Variants in UNC79 observed in about 807,000 individuals in gnomAD.
The protein encoded by UNC79 is unc-79 subunit of NALCN channel complex.
Under a neutral mutation model 283.1 loss-of-function variants are expected in UNC79, and 37 were observed. The ratio of observed to expected loss-of-function variants is 0.13; its 90% CI spans 0.10 to 0.17. The LOEUF is 0.17. UNC79 is among the 10% of genes least tolerant of loss of function. UNC79 has a pLI of 1.00. For synonymous variants in UNC79, 1,107 were observed against 1,200.2 expected (o/e 0.92, Z 1.61); for missense variants, 2,272 against 3,211.1 (o/e 0.71, Z 7.07).
At chr14:93,459,674 C>CTTTTTTTTTCTTTT (rs773034428) in intron 1 of UNC79, among the ~76,000 whole-genome samples, 4 of 90,684 alleles carry the variant, frequency 4.4e-5, no homozygotes, top group Non-Finnish European at 6.4e-5. Flanking sequence ...GTTTATTCAA[C>CTTTTTTTTTCTTTT]TTTTTTTTTT....
chr14:93,478,698 A>G (rs932726049), intron 4 of UNC79, among the ~76,000 whole-genome samples: 6 of 152,240 alleles, frequency 3.9e-5, no homozygotes, highest in Admixed American at 2.0e-4. Context: ...CTGGTATGCA[A>G]TAAGTGTCAG....
At chr14:93,676,098 C>G (rs141137961) in intron 41 of UNC79, among the ~76,000 whole-genome samples, 7 of 152,164 alleles carry the variant, frequency 4.6e-5, no homozygotes, top group African/African-American at 1.7e-4. Flanking sequence ...GCTCTGTCAC[C>G]CAGGTTGGAA....
intron 1 of UNC79, among the ~76,000 whole-genome samples, chr14:93,415,986 A>G (rs886365891): frequency 6.6e-5 from 10 of 151,868 alleles, no homozygotes; most frequent in African/African-American, 2.4e-4. Context: ...TGGACTCATT[A>G]ATTTTTTGGA....
chr14:93,447,590 C>G (rs74923236), intron 1 of UNC79, among the ~76,000 whole-genome samples: 1 of 148,966 alleles, frequency 6.7e-6, no homozygotes, highest in Non-Finnish European at 1.5e-5. Flanking sequence ...TTTTTTTTTT[C>G]TGAGGACTCA....
At chr14:93,674,642 A>G (rs536249773) in intron 41 of UNC79, among the ~76,000 whole-genome samples, 1 of 152,362 alleles carries the variant, frequency 6.6e-6, no homozygotes, top group African/African-American at 2.4e-5. Context: ...AAATGATTGA[A>G]GGAATATGGG....
At chr14:93,572,666 A>AT (rs200073679) in intron 15 of UNC79, 27 bp from the exon 16 acceptor site, 17,704 of 1,613,324 alleles carry the variant, frequency 0.011, 128 homozygotes, top group South Asian at 0.015. Context: ...CCCATTGGTC[A>AT]TTTACTTTTG....
chr14:93,416,441 C>G lies in UNC79; in HGVS notation c.-350-51230C>G, dbSNP rs981739128. Among the ~76,000 whole-genome samples the G allele has an allele frequency of 1.8e-4, 27 of 151,876 alleles. No homozygotes were observed. The Middle Eastern group carries it at 0.01, about 57-fold the overall frequency. On this transcript the variant is annotated intron_variant, in intron 1 of 49. Transcript: ENST00000256339. ...TTGCTGAGGAGTGCTTTACTTCCAA[C>G]TATGTGGTCAATTTTGGAATAGGTG...
chr14:93,338,950 G>A (rs12431597), intron 1 of UNC79, among the ~76,000 whole-genome samples: 2,572 of 152,144 alleles, frequency 0.017, 82 homozygotes, highest in African/African-American at 0.06. Flanking sequence ...ATTTAATAGA[G>A]TTTACTTGGT....
intron 1 of UNC79, among the ~76,000 whole-genome samples, chr14:93,339,858 T>A (rs1052433294): frequency 6.6e-6 from 1 of 152,258 alleles, no homozygotes; most frequent in Non-Finnish European, 1.5e-5. Flanking sequence ...ACATTAAATA[T>A]GCTAGTATGT....
At chr14:93,662,800 G>T in intron 40 of UNC79, 86 bp downstream of exon 43, 1 of 983,852 alleles carries the variant, frequency 1.0e-6, no homozygotes, top group Non-Finnish European at 1.5e-6. Context: ...GTCCCTTTTA[G>T]CTCAGTTGCT....
chr14:93,439,526 G>A (rs1361313094), intron 1 of UNC79, among the ~76,000 whole-genome samples: 1 of 151,980 alleles, frequency 6.6e-6, no homozygotes, highest in Non-Finnish European at 1.5e-5. Flanking sequence ...ATATTAATAA[G>A]TTAGATTGTT....
rs1169245751 is a variant in UNC79, at chr14:93,698,498, T to G, written c.7548+4086T>G. On this transcript the variant is annotated intron_variant, in intron 47 of 48. Transcript: ENST00000555664. ...TAGGTTTTTTTTTTTTTTTTTTTTT[T>G]TTTTTGAGATCAGGTCTTGCTCTGT... Among the ~76,000 whole-genome samples, 30 of 133,030 alleles carry G rather than the reference T, an allele frequency of 2.3e-4. 1 individual carries two copies. In the East Asian group the frequency reaches 2.4e-3, roughly 11 times the overall value. The allele number at this position is 133,030 out of a possible 152,430, so 87.3% of individuals were successfully genotyped here.
At chr14:93,600,865 A>C in intron 25 of UNC79, 95 bp downstream of exon 25, 7 of 1,351,370 alleles carry the variant, frequency 5.2e-6, no homozygotes, top group Non-Finnish European at 7.1e-6. Context: ...TAATTCCTCT[A>C]CAGAGGATGC....
chr14:93,577,303 CA>C (rs2063530086), intron 17 of UNC79, among the ~76,000 whole-genome samples: 1 of 152,178 alleles, frequency 6.6e-6, no homozygotes, highest in South Asian at 2.1e-4. Context: ...ACTTCTTGGG[CA>C]TAGAGTAGGG....
chr14:93,554,088 T>C (rs185776912), intron 14 of UNC79, among the ~76,000 whole-genome samples: 148 of 152,258 alleles, frequency 9.7e-4, no homozygotes, highest in African/African-American at 3.3e-3. Flanking sequence ...TGGTGGGTTA[T>C]GCCTGTAATC....
intron 1 of UNC79, among the ~76,000 whole-genome samples, chr14:93,399,808 A>G (rs958555038): frequency 3.9e-5 from 6 of 152,174 alleles, no homozygotes; most frequent in Non-Finnish European, 7.3e-5. Flanking sequence ...TGCATTGCCA[A>G]TCTCCTATGT....
chr14:93,433,317 A>C (rs1455725728), intron 1 of UNC79, among the ~76,000 whole-genome samples: 1 of 152,218 alleles, frequency 6.6e-6, no homozygotes, highest in South Asian at 2.1e-4. Flanking sequence ...GAATGAAGGT[A>C]ATTAAGGAAT....
At chr14:93,380,583 A>C (rs1362246198) in intron 1 of UNC79, among the ~76,000 whole-genome samples, 4 of 152,198 alleles carry the variant, frequency 2.6e-5, no homozygotes, top group Admixed American at 2.6e-4. Flanking sequence ...TGTGAAATTG[A>C]ACTTTTGCAG....
chr14:93,439,694 T>G (rs537752659), intron 1 of UNC79, among the ~76,000 whole-genome samples: 3 of 152,210 alleles, frequency 2.0e-5, no homozygotes, highest in South Asian at 4.1e-4. Flanking sequence ...CTTTAAAAGT[T>G]TTTTAGAGTT....
Sources: allele counts gnomAD v4.1 joint callset (sites outside exome capture counted in the v4.1 genomes callset), GRCh38; gene constraint gnomAD v4.1.1; transcripts MANE v1.5; gene names NCBI Gene and HGNC (gene_info 2026-07-23, HGNC 2026-07-21).